Variants in MBOAT2 observed in about 807,000 individuals in gnomAD.
MBOAT2 encodes membrane bound glycerophospholipid O-acyltransferase 2.
A neutral mutation model predicts 63.4 loss-of-function variants in MBOAT2; 28 were observed. The ratio of observed to expected loss-of-function variants is 0.44; its 90% confidence interval spans 0.33 to 0.61. MBOAT2 has a LOEUF of 0.61. MBOAT2 is among the 20% of genes least tolerant of loss of function. The pLI, the probability that MBOAT2 is intolerant of heterozygous loss-of-function variation, is 0.03. For missense variants in MBOAT2, 470 were observed against 605.8 expected (o/e 0.78, Z 2.35); for synonymous variants, 211 against 215.6 (o/e 0.98, Z 0.19).
At chr2:8,880,991 G>A (rs1663083576) in intron 6 of MBOAT2, among the ~76,000 whole-genome samples, 1 of 152,186 alleles carries the variant, frequency 6.6e-6, no homozygotes, top group Non-Finnish European at 1.5e-5. Context: ...TGCAGTAATG[G>A]GGTGATGGCC....
At chr2:8,959,295 A>G (rs1449045324) in intron 1 of MBOAT2, among the ~76,000 whole-genome samples, 1 of 152,164 alleles carries the variant, frequency 6.6e-6, no homozygotes, top group Non-Finnish European at 1.5e-5. Context: ...CTCAATTTTT[A>G]AATTTCCTTA....
intron 1 of MBOAT2, among the ~76,000 whole-genome samples, chr2:8,968,200 GCAGCAACATTTGCTGTT>G (rs1335261637): frequency 1.3e-5 from 2 of 152,058 alleles, no homozygotes; most frequent in Non-Finnish European, 2.9e-5. Flanking sequence ...GAACGATCAG[GCAGCAACATTTGCTGTT>G]CAGCAATATT....
chr2:8,951,464 C>A (rs1668829550), intron 2 of MBOAT2, among the ~76,000 whole-genome samples: 1 of 152,172 alleles, frequency 6.6e-6, no homozygotes, highest in African/African-American at 2.4e-5. Context: ...CTTGGCCTCC[C>A]AATGTGCTGG....
chr2:8,983,218 A>C (rs1320011602), intron 1 of MBOAT2, among the ~76,000 whole-genome samples: 1 of 152,214 alleles, frequency 6.6e-6, no homozygotes, highest in Non-Finnish European at 1.5e-5. Context: ...ACATATTTTC[A>C]CAAATACATA....
Position 8,962,005 on chromosome 2 carries a change from A to G in MBOAT2, c.76-3363T>C, listed in dbSNP as rs550378573. On this transcript the variant is annotated intron_variant, in intron 1 of 12. Transcript: ENST00000305997. ...CAGAGGGGACTGTCCTGCAGTCCGCAGCTCTCCCTTCTGCCAGCTCCCCAG... is the reference window on the plus strand; with the variant it reads ...CAGAGGGGACTGTCCTGCAGTCCGCGGCTCTCCCTTCTGCCAGCTCCCCAG... Among the ~76,000 whole-genome samples the G allele has an allele frequency of 3.3e-5, 5 of 152,248 alleles. No homozygotes were observed. In the South Asian group the frequency reaches 1.0e-3, roughly 32 times the overall value.
intron 7 of MBOAT2, among the ~76,000 whole-genome samples, chr2:8,875,845 T>C (rs1458620900): frequency 6.6e-6 from 1 of 152,184 alleles, no homozygotes; most frequent in Non-Finnish European, 1.5e-5. Flanking sequence ...ACTTAACCAG[T>C]AATAGAAAAT....
chr2:8,911,948 T>C (rs1665738011), intron 3 of MBOAT2, among the ~76,000 whole-genome samples: 1 of 152,036 alleles, frequency 6.6e-6, no homozygotes, highest in East Asian at 1.9e-4. Context: ...TTTTTACCAA[T>C]AGAATACAGT....
At chr2:8,990,975 CT>C (rs1444366440) in intron 1 of MBOAT2, among the ~76,000 whole-genome samples, 5 of 152,174 alleles carry the variant, frequency 3.3e-5, no homozygotes, top group African/African-American at 1.2e-4. Context: ...AACCTCTCCC[CT>C]GTCCTCTACC....
chr2:8,982,112 G>A (rs1206878729), intron 1 of MBOAT2, among the ~76,000 whole-genome samples: 1 of 152,116 alleles, frequency 6.6e-6, no homozygotes, highest in Non-Finnish European at 1.5e-5. Flanking sequence ...CGGATTAAGC[G>A]AGATAACCCA....
chr2:8,908,165 A>T (rs1665465774), intron 4 of MBOAT2: 1 of 152,502 alleles, frequency 6.6e-6, no homozygotes, highest in African/African-American at 2.4e-5. Flanking sequence ...TTATTTCACA[A>T]CAGACATATA....
chr2:8,901,866 C>A (rs192220972), intron 4 of MBOAT2, among the ~76,000 whole-genome samples: 1 of 152,180 alleles, frequency 6.6e-6, no homozygotes, highest in Non-Finnish European at 1.5e-5. Context: ...TTTTTAGAAG[C>A]AGGACTAGCC....
intron 1 of MBOAT2, among the ~76,000 whole-genome samples, chr2:8,972,566 T>C (rs1026660943): frequency 6.6e-6 from 1 of 152,062 alleles, no homozygotes; most frequent in Non-Finnish European, 1.5e-5. Context: ...GAAACTACCA[T>C]CAGAGTGAAC....
chr2:8,918,210 C>T (rs1206379454), intron 3 of MBOAT2, among the ~76,000 whole-genome samples: 1 of 152,120 alleles, frequency 6.6e-6, no homozygotes, highest in Non-Finnish European at 1.5e-5. Flanking sequence ...TTAGATAAGT[C>T]GTACTTAAAT....
intron 6 of MBOAT2, among the ~76,000 whole-genome samples, chr2:8,879,409 AAAC>A (rs770657792): frequency 3.3e-5 from 5 of 152,254 alleles, no homozygotes; most frequent in African/African-American, 7.2e-5. Context: ...CTGTCATATC[AAAC>A]AACAAGTCAT....
chr2:8,858,826 C>A lies in MBOAT2; in HGVS notation c.1416G>T (p.Lys472Asn), dbSNP rs1486775223. The stretch of plus-strand genomic sequence containing the variant: ...AGAGCTGAATGTTTTCATGTGTATT[C>A]TTTCTTCTTTGAGTTTTTTTCACTG... ...LLPVKKTQRR[K>N]NTHENIQLSQ... The change falls in exon 13 of 13, where the codon AAG becomes AAT. Residue 472 changes from lysine to asparagine, a missense_variant. Coordinates refer to ENST00000305997, the MANE Select transcript of MBOAT2 (RefSeq NM_138799.4). The A allele has an allele frequency of 1.2e-6, 2 of 1,613,840 alleles. No homozygotes were observed. The highest frequency in any genetic ancestry group is 3.3e-5 in the Admixed American group (2 of 59,992).
At chr2:8,976,491 T>A (rs552689852) in intron 1 of MBOAT2, among the ~76,000 whole-genome samples, 1 of 152,078 alleles carries the variant, frequency 6.6e-6, no homozygotes, top group Non-Finnish European at 1.5e-5. Context: ...AAAAAATAAG[T>A]AAGGCTCAAC....
At chr2:8,936,824 A>G (rs1667702224) in intron 3 of MBOAT2, among the ~76,000 whole-genome samples, 1 of 144,774 alleles carries the variant, frequency 6.9e-6, no homozygotes, top group African/African-American at 2.6e-5. Context: ...AAAGAAAAGA[A>G]AAAAAAAGAA....
intron 5 of MBOAT2, among the ~76,000 whole-genome samples, chr2:8,883,779 G>A (rs996868049): frequency 2.0e-5 from 3 of 151,978 alleles, no homozygotes; most frequent in African/African-American, 7.3e-5. Context: ...TTATGACAAG[G>A]ATCATCACAA....
At chr2:8,882,178 G>A (rs1406968333) in intron 6 of MBOAT2, among the ~76,000 whole-genome samples, 1 of 152,210 alleles carries the variant, frequency 6.6e-6, no homozygotes, top group Admixed American at 6.5e-5. Flanking sequence ...ATTATTACCA[G>A]TAATTACTAC....
Sources: gnomAD v4.1 joint callset for allele counts (sites outside exome capture counted in the v4.1 genomes callset) on GRCh38, gnomAD v4.1.1 for gene constraint, MANE v1.5 for transcripts, NCBI Gene and HGNC (gene_info 2026-07-23, HGNC 2026-07-21) for gene names.